The following PNPLA4 variants were observed in gnomAD, a reference collection of about 807,000 sequenced individuals.
The protein encoded by PNPLA4 is patatin-like phospholipase domain-containing protein 4.
PNPLA4 carries 15 observed loss-of-function variants against 18.3 expected under a neutral mutation model. That is an observed-to-expected ratio of 0.82 (90% CI 0.55 to 1.26). PNPLA4 has a LOEUF of 1.26. Ranked by LOEUF, PNPLA4 falls within the 50% of genes most tolerant of loss-of-function variation. The pLI is 0.00. For missense variants in PNPLA4, 229 were observed against 196.8 expected, an observed-to-expected ratio of 1.16 and a Z score of -0.98; for synonymous variants, 88 against 85.6, an observed-to-expected ratio of 1.03 and a Z score of -0.16.
chrX:7,908,530 T>A (rs1310418814), intron 5 of PNPLA4, among the ~76,000 whole-genome samples: 1 of 112,282 alleles, frequency 8.9e-6, no homozygotes, highest in Non-Finnish European at 1.9e-5. Flanking sequence ...CAACTCGGCA[T>A]GGAAGCCCTA....
chrX:7,913,970 T>G (rs1923955367), intron 4 of PNPLA4, among the ~76,000 whole-genome samples: 2 of 112,577 alleles, frequency 1.8e-5, no homozygotes, highest in Non-Finnish European at 3.8e-5. Context: ...CAATGGGTCT[T>G]TTTTTCATCT....
Position 7,927,273 on chromosome X carries a change from C to T in PNPLA4, c.-14+13G>A. The T allele has an allele frequency of 8.8e-6, 1 of 113,338 alleles. No homozygotes were observed. Among genetic ancestry groups the T allele is most frequent in the Non-Finnish European group, 1.9e-5 (1 of 53,373 alleles). 9.3% of individuals were successfully genotyped at this position (113,338 alleles called of 1,213,427 possible). On this transcript the variant is annotated intron_variant, in intron 1 of 6. Coordinates refer to ENST00000381042, the MANE Select transcript of PNPLA4 (RefSeq NM_004650.3). ...GCAGGAGCACACCCTTGCTGGGCCC[C>T]AGGGCTCCGTACCAATGCAGCCCCG...
chrX:7,923,372 C>T (rs1429421576), intron 2 of PNPLA4, among the ~76,000 whole-genome samples: 2 of 111,917 alleles, frequency 1.8e-5, no homozygotes, highest in Non-Finnish European at 3.8e-5. Context: ...GGAGTCTGGG[C>T]ACCCTCCAGA....
At chrX:7,925,639 T>C (rs1261845105) in intron 2 of PNPLA4, among the ~76,000 whole-genome samples, 1 of 112,067 alleles carries the variant, frequency 8.9e-6, no homozygotes, top group Non-Finnish European at 1.9e-5. Context: ...CTCATGATCA[T>C]AGAAAGAAGA....
intron 5 of PNPLA4, among the ~76,000 whole-genome samples, chrX:7,907,634 A>T (rs781504048): frequency 1.2e-4 from 14 of 112,425 alleles, no homozygotes; most frequent in Non-Finnish European, 2.3e-4. Context: ...ATGAGTATGT[A>T]CTATAAGGTA....
chrX:7,916,848 G>A (rs1924061633), intron 4 of PNPLA4, among the ~76,000 whole-genome samples: 1 of 111,863 alleles, frequency 8.9e-6, no homozygotes, highest in South Asian at 3.7e-4. Context: ...ACATGATTTT[G>A]GAGGGGGGCC....
chrX:7,918,081 C>T (rs187226345), intron 4 of PNPLA4, among the ~76,000 whole-genome samples: 1 of 112,074 alleles, frequency 8.9e-6, no homozygotes, highest in Admixed American at 9.4e-5. Flanking sequence ...CATGCTCTCC[C>T]ATGCTCTTTT....
intron 1 of PNPLA4, 38 bp from the exon 2 acceptor site, chrX:7,926,170 T>C: frequency 2.0e-6 from 2 of 1,014,995 alleles, no homozygotes; most frequent in Non-Finnish European, 2.7e-6. Context: ...TAAGTTGGAA[T>C]AGTTTATCCC....
At chrX:7,907,839 G>A (rs759420917) in intron 5 of PNPLA4, among the ~76,000 whole-genome samples, 5 of 107,965 alleles carry the variant, frequency 4.6e-5, no homozygotes, top group Middle Eastern at 9.4e-3. Context: ...CTCCCACCTC[G>A]GCCTCCAAAG....
chrX:7,920,280 C>A (rs1227043932), intron 4 of PNPLA4, among the ~76,000 whole-genome samples: 1 of 111,313 alleles, frequency 9.0e-6, no homozygotes, highest in Non-Finnish European at 1.9e-5. Context: ...CAAGAGGATG[C>A]ATGTCTGCCC....
chrX:7,900,122 A>C lies in PNPLA4; in HGVS notation c.*564T>G, dbSNP rs147282047. 6.0e-3 allele frequency: 702 copies of C among 116,421 alleles called. 3 individuals carry two copies. Among genetic ancestry groups the C allele is most frequent in the South Asian group, 0.02 (57 of 2,811 alleles). 9.6% of individuals were successfully genotyped at this position (116,421 alleles called of 1,213,427 possible). ...CTCAGTCATGTGGAACTGTGAGCCC[A>C]TTAAACCTTTCTTTTGTAAATTGCC... On this transcript the variant is annotated 3_prime_UTR_variant, in exon 7 of 7. Transcript: ENST00000381042.
chrX:7,903,086 A>G (rs1438922231), intron 5 of PNPLA4, among the ~76,000 whole-genome samples: 8 of 112,005 alleles, frequency 7.1e-5, no homozygotes. Context: ...GTATGCAGGA[A>G]TCTTTAGTGA....
In PNPLA4 at chrX:7,900,754, C is replaced by T. The variant is rs759144773; in HGVS notation, c.694G>A (p.Glu232Lys). 8.4e-7 allele frequency: 1 copy of T among 1,195,598 alleles called. No individual in the cohort carries two copies. The highest frequency in any genetic ancestry group is 1.1e-6 in the Non-Finnish European group (1 of 882,123). Residue 232 changes from glutamate to lysine, a missense_variant, in exon 7 of 7, where the codon GAA becomes AAA. By Grantham distance (56) the Glu-to-Lys change is moderately conservative (BLOSUM62 1). Coordinates refer to ENST00000381042, the MANE Select transcript of PNPLA4 (RefSeq NM_004650.3). ...ALFPPSKRKM[E>K]SLYQCGFDDT... is the part of the protein sequence containing the mutation. ...TCAAAACCACACTGATACAAAGATT[C>T]CATTTTCCTCTTGCTTGGGGGAAAA...
Position 7,898,264 on chromosome X carries a change from T to C in PNPLA4, c.*2422A>G, listed in dbSNP as rs1923402323. On this transcript the variant is annotated 3_prime_UTR_variant, in exon 7 of 7. Coordinates refer to ENST00000381042, the MANE Select transcript of PNPLA4 (RefSeq NM_004650.3). Reference sequence around the variant, plus strand: ...AAGAAAAGGAAGACTAATGACATTTTTAATGACAGATTCAAATATATAAGG... The same window carrying C: ...AAGAAAAGGAAGACTAATGACATTTCTAATGACAGATTCAAATATATAAGG... The C allele has an allele frequency of 8.9e-6, 1 of 111,929 alleles. No individual in the cohort carries two copies. Among genetic ancestry groups the C allele is most frequent in the African/African-American group, 3.2e-5 (1 of 30,818 alleles). 9.2% of individuals were successfully genotyped at this position (111,929 alleles called of 1,213,427 possible).
chrX:7,905,868 G>A (rs1261249667), intron 5 of PNPLA4, among the ~76,000 whole-genome samples: 1 of 112,283 alleles, frequency 8.9e-6, no homozygotes, highest in Non-Finnish European at 1.9e-5. Flanking sequence ...GCCTGCGGCT[G>A]CTTCCCTCTA....
At chrX:7,911,947 G>C in intron 5 of PNPLA4, 81 bp downstream of exon 5, 1 of 675,453 alleles carries the variant, frequency 1.5e-6, no homozygotes, top group African/African-American at 2.2e-5. Flanking sequence ...GAAGCCACTA[G>C]AATAATTATA....
Position 7,899,317 on chromosome X carries a change from C to T in PNPLA4, c.*1369G>A, listed in dbSNP as rs1331326512. On this transcript the variant is annotated 3_prime_UTR_variant, in exon 7 of 7. Transcript: ENST00000381042. ...ATTAAATTGGTTTGTCTCTAACTGC[C>T]TCTTAGTAATCAAGAGTTCTTGCTT... 1 of 110,828 alleles carries T rather than the reference C, an allele frequency of 9.0e-6. No homozygotes were observed. Among genetic ancestry groups the T allele is most frequent in the Non-Finnish European group, 1.9e-5 (1 of 53,003 alleles). The allele number at this position is 110,828 out of a possible 1,213,427, so 9.1% of individuals were successfully genotyped here.
chrX:7,900,525 A>C lies in PNPLA4; in HGVS notation c.*161T>G, dbSNP rs1460372799. 2.7e-6 allele frequency: 1 copy of C among 368,536 alleles called. No individual in the cohort carries two copies. Among genetic ancestry groups the C allele is most frequent in the East Asian group, 4.6e-5 (1 of 21,669 alleles). The allele number at this position is 368,536 out of a possible 1,213,427, so 30.4% of individuals were successfully genotyped here. A position where few individuals can be genotyped will look rare whatever the true frequency, so the allele number is the denominator to read the frequency against. On this transcript the variant is annotated 3_prime_UTR_variant, in exon 7 of 7. Transcript: ENST00000381042. ...GTCAAATTCTAATAAAGTGCCTCTTATATCCATGTGCTAAGTAATAATTCA... is the reference window on the plus strand; with the variant it reads ...GTCAAATTCTAATAAAGTGCCTCTTCTATCCATGTGCTAAGTAATAATTCA...
intron 4 of PNPLA4, among the ~76,000 whole-genome samples, chrX:7,918,576 C>T (rs1175435865): frequency 1.8e-5 from 2 of 110,813 alleles, no homozygotes; most frequent in Admixed American, 9.6e-5. Context: ...ATGTTCAGAG[C>T]GAGGTGTGCC....
Sources: allele counts gnomAD v4.1 joint callset (sites outside exome capture counted in the v4.1 genomes callset), GRCh38; gene constraint gnomAD v4.1.1; transcripts MANE v1.5; gene names NCBI Gene and HGNC (gene_info 2026-07-23, HGNC 2026-07-21).